LINGO2: variants seen among roughly 807,000 people sequenced by gnomAD.
LINGO2 encodes leucine rich repeat and Ig domain containing 2.
In LINGO2, 14 loss-of-function variants were observed where a neutral mutation model predicts 30.6. That is an observed-to-expected ratio of 0.46 (90% CI 0.30 to 0.72). The LOEUF is 0.72. Among genes scored for constraint, LINGO2 ranks in the 30% least tolerant of loss-of-function variants. The pLI is 0.07. For missense variants in LINGO2, 729 were observed against 751.7 expected, an observed-to-expected ratio of 0.97 and a Z score of 0.35; for synonymous variants, 317 against 288.5, an observed-to-expected ratio of 1.10 and a Z score of -1.00.
intron 1 of LINGO2, among the ~76,000 whole-genome samples, chr9:28,562,567 A>G (rs2135557262): frequency 6.6e-6 from 1 of 151,982 alleles, no homozygotes; most frequent in South Asian, 2.1e-4. Context: ...AAATTTCTAC[A>G]AAGCTTTCCT....
chr9:28,776,073 C>T, the LINGO2 span, among the ~76,000 whole-genome samples: 1 of 152,116 alleles, frequency 6.6e-6, no homozygotes, highest in African/African-American at 2.4e-5. Flanking sequence ...TGTTTATTAA[C>T]AACATGGTTT....
chr9:28,238,108 C>G lies in LINGO2; in HGVS notation c.-87+57100G>C, dbSNP rs530138089. The stretch of plus-strand genomic sequence containing the variant: ...CAATTTTAAATATATATGCATCCAA[C>G]ACTGCAGCACCCAGATATATCAAGC... On this transcript the variant is annotated intron_variant, in intron 4 of 5. Transcript: ENST00000379992. 2.0e-5 allele frequency among the ~76,000 whole-genome samples: 3 copies of G among 151,978 alleles called. No homozygotes were observed. In the South Asian group the frequency reaches 6.2e-4, roughly 32 times the overall value.
intron 5 of LINGO2, among the ~76,000 whole-genome samples, chr9:27,970,868 T>C (rs1446173810): frequency 1.3e-5 from 2 of 151,440 alleles, no homozygotes; most frequent in Admixed American, 6.6e-5. Context: ...GGAAAGAGAA[T>C]AGGGCATTTT....
At chr9:28,518,767 G>A (rs1820723289) in intron 1 of LINGO2, among the ~76,000 whole-genome samples, 1 of 152,148 alleles carries the variant, frequency 6.6e-6, no homozygotes, top group Non-Finnish European at 1.5e-5. Context: ...GCTTCGTTGG[G>A]CCTACATTTC....
intron 4 of LINGO2, among the ~76,000 whole-genome samples, chr9:28,098,582 C>G (rs1040769892): frequency 2.1e-4 from 32 of 152,008 alleles, no homozygotes; most frequent in Non-Finnish European, 3.5e-4. Flanking sequence ...CTTTTTTCGT[C>G]TATATACTAA....
chr9:29,182,477 A>G, the LINGO2 span, among the ~76,000 whole-genome samples: 4,588 of 152,242 alleles, frequency 0.03, 223 homozygotes, highest in African/African-American at 0.1. Flanking sequence ...GGAAAAGGTA[A>G]TTACTACAGA....
At chr9:28,479,918 T>TGTAG (rs1825883102) in intron 1 of LINGO2, among the ~76,000 whole-genome samples, 2 of 55,360 alleles carry the variant, frequency 3.6e-5, no homozygotes, top group African/African-American at 1.4e-4. Context: ...TAGGTATATA[T>TGTAG]ATATATATAT....
intron 4 of LINGO2, among the ~76,000 whole-genome samples, chr9:28,180,991 A>G (rs1345168360): frequency 2.0e-5 from 3 of 152,168 alleles, no homozygotes; most frequent in Non-Finnish European, 2.9e-5. Flanking sequence ...ATAAGAATTG[A>G]GGTTGCATCA....
the LINGO2 span, among the ~76,000 whole-genome samples, chr9:29,023,877 G>A: frequency 6.6e-6 from 1 of 152,008 alleles, no homozygotes; most frequent in Non-Finnish European, 1.5e-5. Context: ...AAGCTGCTTG[G>A]ATCCTTAGTA....
At chr9:29,148,262 C>T in the LINGO2 span, among the ~76,000 whole-genome samples, 6 of 152,178 alleles carry the variant, frequency 3.9e-5, no homozygotes, top group South Asian at 1.2e-3. Flanking sequence ...TTAAGCTGAT[C>T]CTTCCTATAG....
At chr9:28,908,192 G>A in the LINGO2 span, among the ~76,000 whole-genome samples, 8 of 151,148 alleles carry the variant, frequency 5.3e-5, no homozygotes, top group Non-Finnish European at 7.4e-5. Flanking sequence ...TTCTCAAGCA[G>A]GTTGCACTGC....
the LINGO2 span, among the ~76,000 whole-genome samples, chr9:28,960,859 A>G: frequency 2.0e-5 from 3 of 151,728 alleles, no homozygotes; most frequent in Non-Finnish European, 4.4e-5. Flanking sequence ...TTATTAATTC[A>G]TTTGTTCATT....
intron 1 of LINGO2, among the ~76,000 whole-genome samples, chr9:28,509,585 T>C (rs1820288454): frequency 2.0e-5 from 3 of 152,208 alleles, no homozygotes; most frequent in South Asian, 4.1e-4. Flanking sequence ...CCAATGTGAC[T>C]ATATTGAGAG....
chr9:28,399,596 A>C (rs1265819185), intron 2 of LINGO2, among the ~76,000 whole-genome samples: 1 of 152,194 alleles, frequency 6.6e-6, no homozygotes, highest in Non-Finnish European at 1.5e-5. Flanking sequence ...TCATCCTCAG[A>C]GTAATCCAAG....
the LINGO2 span, among the ~76,000 whole-genome samples, chr9:28,941,237 G>C: frequency 6.6e-6 from 1 of 152,128 alleles, no homozygotes; most frequent in African/African-American, 2.4e-5. Flanking sequence ...AAGGCTGAGA[G>C]GCCTGACACT....
chr9:28,413,666 A>T (rs1822859218), intron 2 of LINGO2, among the ~76,000 whole-genome samples: 1 of 152,078 alleles, frequency 6.6e-6, no homozygotes, highest in Non-Finnish European at 1.5e-5. Context: ...AGGGTTCAAC[A>T]GATTACTTCT....
chr9:28,028,568 G>C (rs775390990), intron 4 of LINGO2, among the ~76,000 whole-genome samples: 3 of 151,988 alleles, frequency 2.0e-5, no homozygotes, highest in Non-Finnish European at 4.4e-5. Flanking sequence ...ATGTATCCAG[G>C]GGGTTGTTTC....
chr9:29,025,668 A>T, the LINGO2 span, among the ~76,000 whole-genome samples: 8 of 152,202 alleles, frequency 5.3e-5, no homozygotes, highest in African/African-American at 1.9e-4. Context: ...TGTGATGAGA[A>T]CACTTTACAG....
chr9:28,418,346 T>C (rs2134861720), intron 2 of LINGO2, among the ~76,000 whole-genome samples: 1 of 147,452 alleles, frequency 6.8e-6, no homozygotes, highest in African/African-American at 2.5e-5. Flanking sequence ...TGGCACAATC[T>C]TGGCTCACTG....
Sources: allele counts gnomAD v4.1 joint callset (sites outside exome capture counted in the v4.1 genomes callset), GRCh38; gene constraint gnomAD v4.1.1; transcripts MANE v1.5; gene names NCBI Gene and HGNC (gene_info 2026-07-23, HGNC 2026-07-21).